Variants in PDHX observed in about 807,000 individuals in gnomAD.
PDHX encodes pyruvate dehydrogenase complex component X, also known as pyruvate dehydrogenase protein X component, mitochondrial.
A neutral mutation model predicts 55.3 loss-of-function variants in PDHX; 33 were observed. That is an observed-to-expected ratio of 0.60 (90% CI 0.45 to 0.80). PDHX has a LOEUF of 0.80. Among genes scored for constraint, PDHX ranks in the 30% least tolerant of loss-of-function variants. PDHX has a pLI of 0.00. For missense variants in PDHX, 622 were observed against 619.9 expected (o/e 1.00, Z -0.04); for synonymous variants, 226 against 219.4 (o/e 1.03, Z -0.27).
chr11:34,988,964 G>C (rs925361746), intron 9 of PDHX, among the ~76,000 whole-genome samples: 1 of 152,146 alleles, frequency 6.6e-6, no homozygotes, highest in African/African-American at 2.4e-5. Flanking sequence ...TTGTGTATGA[G>C]TAGGAAAAAA....
chr11:34,939,856 C>A (rs1026643200), intron 2 of PDHX, among the ~76,000 whole-genome samples: 2 of 152,042 alleles, frequency 1.3e-5, no homozygotes, highest in Non-Finnish European at 1.5e-5. Flanking sequence ...AAAATTAGTA[C>A]AGAAAATGCT....
intron 8 of PDHX, among the ~76,000 whole-genome samples, chr11:34,979,303 A>AAGGCAGGT (rs1855453252): frequency 6.6e-6 from 1 of 152,124 alleles, no homozygotes; most frequent in Admixed American, 6.5e-5. Context: ...AGGTGGCAGG[A>AAGGCAGGT]AGGCAGGTGA....
chr11:34,986,964 C>T lies in PDHX; in HGVS notation c.1182+2236C>T, dbSNP rs529727408. Among the ~76,000 whole-genome samples, 3 of 152,270 alleles carry T rather than the reference C, an allele frequency of 2.0e-5. No individual in the cohort carries two copies. In the East Asian group the frequency reaches 5.8e-4, roughly 29 times the overall value. On this transcript the variant is annotated intron_variant, in intron 9 of 10. Transcript: ENST00000227868. ...AAGTGCTTCATTTAATCCTATTAAC[C>T]CAGTACAATTGGAACCTTAACTTCT... is the stretch of plus-strand genomic sequence containing the variant.
rs532162263 is a variant in PDHX, at chr11:34,963,065, A to G, written c.641+2547A>G. On this transcript the variant is annotated intron_variant, in intron 5 of 10. Coordinates refer to ENST00000227868, the MANE Select transcript of PDHX (RefSeq NM_003477.3). The stretch of plus-strand genomic sequence containing the variant: ...AATAAGAACTAGTACAAAAGATTTC[A>G]TGAGAAAAATGGATCCTGAAAGCAT... Among the ~76,000 whole-genome samples the G allele has an allele frequency of 4.6e-5, 7 of 152,290 alleles. No homozygotes were observed. The East Asian group carries it at 1.4e-3, about 29-fold the overall frequency.
At chr11:34,921,450 C>CTGA (rs56071710) in intron 1 of PDHX, among the ~76,000 whole-genome samples, 23 of 151,504 alleles carry the variant, frequency 1.5e-4, no homozygotes, top group African/African-American at 4.1e-4. Flanking sequence ...GAGAAACTGA[C>CTGA]CCAAAGTAGA....
chr11:34,916,168 C>T (rs1853681904), upstream of PDHX: 4 of 1,568,604 alleles, frequency 2.6e-6, no homozygotes, highest in Admixed American at 1.8e-5. Flanking sequence ...GCTCCAGCCG[C>T]CGGGTCCCGC....
chr11:34,950,474 A>G (rs968177342), intron 3 of PDHX, among the ~76,000 whole-genome samples: 2 of 150,490 alleles, frequency 1.3e-5, no homozygotes, highest in Non-Finnish European at 3.0e-5. Flanking sequence ...TGCTGCACCC[A>G]TTAACTCGTC....
At chr11:34,942,269 T>C (rs1854505938) in intron 2 of PDHX, among the ~76,000 whole-genome samples, 1 of 152,254 alleles carries the variant, frequency 6.6e-6, no homozygotes, top group South Asian at 2.1e-4. Context: ...CGTATCTTGA[T>C]TCAGGTAGAC....
chr11:34,993,228 T>C (rs1855791843), intron 10 of PDHX, among the ~76,000 whole-genome samples: 1 of 152,068 alleles, frequency 6.6e-6, no homozygotes, highest in African/African-American at 2.4e-5. Flanking sequence ...TTGTTTCAAA[T>C]AGCTTTCACA....
intron 3 of PDHX, among the ~76,000 whole-genome samples, chr11:34,951,132 C>A (rs937856780): frequency 6.8e-6 from 1 of 146,494 alleles, no homozygotes; most frequent in Non-Finnish European, 1.5e-5. Flanking sequence ...TCTCGGCTCA[C>A]TGCAAGCTCC....
intron 5 of PDHX, among the ~76,000 whole-genome samples, chr11:34,963,294 A>G (rs1178625367): frequency 6.6e-6 from 1 of 151,982 alleles, no homozygotes; most frequent in Non-Finnish European, 1.5e-5. Context: ...TTTCTTTAAG[A>G]GAGAGACAGG....
intron 9 of PDHX, among the ~76,000 whole-genome samples, chr11:34,991,979 C>T (rs1855767582): frequency 6.7e-6 from 1 of 148,986 alleles, no homozygotes. Context: ...TTTTTCTTAC[C>T]ATAAAGTTTT....
At chr11:34,964,377 G>A (rs561816588) in intron 5 of PDHX, among the ~76,000 whole-genome samples, 1 of 152,256 alleles carries the variant, frequency 6.6e-6, no homozygotes, top group South Asian at 2.1e-4. Context: ...ACCAAGGCTG[G>A]CGAATCACTT....
intron 3 of PDHX, among the ~76,000 whole-genome samples, chr11:34,954,392 G>A (rs141770502): frequency 6.6e-6 from 1 of 152,320 alleles, no homozygotes; most frequent in East Asian, 1.9e-4. Flanking sequence ...TAGGTGAGCT[G>A]TTTGTAGCAC....
chr11:34,954,236 ATTAC>A (rs765235567), intron 3 of PDHX, among the ~76,000 whole-genome samples: 2 of 152,242 alleles, frequency 1.3e-5, no homozygotes, highest in African/African-American at 2.4e-5. Context: ...TACTTAAATA[ATTAC>A]TTAATATATT....
At chr11:34,918,298 AAAAG>A (rs958939607) in intron 1 of PDHX, among the ~76,000 whole-genome samples, 6 of 151,946 alleles carry the variant, frequency 3.9e-5, no homozygotes, top group African/African-American at 1.5e-4. Context: ...AAGAAAGAAA[AAAAG>A]CCAGGCGTGC....
In PDHX at chr11:34,970,345, C is replaced by T. The variant is rs186441552; in HGVS notation, c.964+59C>T. ...CATGCTAACTTAACTTTCATGAAAT[C>T]CTTTATAAAATTATAAAATTAAAAG... On this transcript the variant is annotated intron_variant, in intron 7 of 10. Coordinates refer to ENST00000227868, the MANE Select transcript of PDHX (RefSeq NM_003477.3). 334 of 1,342,888 alleles carry T rather than the reference C, an allele frequency of 2.5e-4. 1 individual carries two copies. The African/African-American group carries it at 3.8e-3, about 15-fold the overall frequency. 83.2% of individuals were successfully genotyped at this position (1,342,888 alleles called of 1,614,324 possible).
chr11:34,936,356 A>T (rs1854309870), intron 2 of PDHX, among the ~76,000 whole-genome samples: 1 of 152,290 alleles, frequency 6.6e-6, no homozygotes, highest in South Asian at 2.1e-4. Flanking sequence ...TGTGCTTCCC[A>T]TAATGACTAA....
chr11:34,925,379 C>T (rs2133940988), intron 1 of PDHX, among the ~76,000 whole-genome samples: 1 of 152,316 alleles, frequency 6.6e-6, no homozygotes, highest in South Asian at 2.1e-4. Context: ...TCCTCCCTGG[C>T]TTAGGATACA....
Sources: allele counts gnomAD v4.1 joint callset (sites outside exome capture counted in the v4.1 genomes callset), GRCh38; gene constraint gnomAD v4.1.1; transcripts MANE v1.5; gene names NCBI Gene and HGNC (gene_info 2026-07-23, HGNC 2026-07-21).